Variants in ALPL observed in about 807,000 individuals in gnomAD.
ALPL encodes the protein alkaline phosphatase, biomineralization associated, also known as alkaline phosphatase, tissue-nonspecific isozyme.
Under a neutral mutation model 51.3 loss-of-function variants are expected in ALPL, and 42 were observed. The ratio of observed to expected loss-of-function variants is 0.82; its 90% CI spans 0.64 to 1.06. The LOEUF is 1.06. ALPL is among the 50% of genes least tolerant of loss of function. The pLI, the probability that ALPL is intolerant of heterozygous loss-of-function variation, is 0.00. For synonymous variants in ALPL, 279 were observed against 296.4 expected, an observed-to-expected ratio of 0.94 and a Z score of 0.60; for missense variants, 589 against 709.4, an observed-to-expected ratio of 0.83 and a Z score of 1.93.
intron 1 of ALPL, chr1:21,551,360 G>A (rs934946159): frequency 3.9e-5 from 6 of 152,216 alleles, no homozygotes; most frequent in African/African-American, 1.4e-4. Context: ...CGATGTTTGA[G>A]GTGGCATGAA....
chr1:21,520,004 C>T (rs532768602), intron 1 of ALPL, among the ~76,000 whole-genome samples: 5 of 152,260 alleles, frequency 3.3e-5, no homozygotes, highest in Admixed American at 2.0e-4. Context: ...TGCTGCCCCC[C>T]GCATCCCACC....
At chr1:21,530,261 C>G (rs781568318) in intron 1 of ALPL, among the ~76,000 whole-genome samples, 1 of 152,136 alleles carries the variant, frequency 6.6e-6, no homozygotes, top group Non-Finnish European at 1.5e-5. Context: ...TAGGCAATTA[C>G]GATTTTTGCT....
intron 2 of ALPL, among the ~76,000 whole-genome samples, chr1:21,558,841 G>A (rs116020814): frequency 0.015 from 2,334 of 152,290 alleles, 56 homozygotes; most frequent in African/African-American, 0.052. Context: ...TGTGCTCTGC[G>A]CCTATGCTAG....
intron 1 of ALPL, among the ~76,000 whole-genome samples, chr1:21,550,044 T>G (rs1180230837): frequency 6.6e-6 from 1 of 152,186 alleles, no homozygotes; most frequent in Non-Finnish European, 1.5e-5. Context: ...ATCTGTGGAT[T>G]TAATACCATA....
chr1:21,543,912 T>A (rs1644222037), intron 1 of ALPL, among the ~76,000 whole-genome samples: 1 of 152,128 alleles, frequency 6.6e-6, no homozygotes, highest in Non-Finnish European at 1.5e-5. Flanking sequence ...TTGGAGGGTG[T>A]CCTTGGAGCA....
chr1:21,510,765 G>A (rs1481488245), intron 1 of ALPL, among the ~76,000 whole-genome samples: 1 of 152,190 alleles, frequency 6.6e-6, no homozygotes, highest in African/African-American at 2.4e-5. Flanking sequence ...CTCCAGTCTT[G>A]CTCTTTCCAA....
intron 1 of ALPL, among the ~76,000 whole-genome samples, chr1:21,530,954 ATTTTTTTTT>A (rs34079543): frequency 4.8e-5 from 5 of 103,988 alleles, no homozygotes; most frequent in African/African-American, 1.6e-4. Context: ...ATCATTTTTG[ATTTTTTTTT>A]TTTTTTTTTT....
intron 1 of ALPL, among the ~76,000 whole-genome samples, chr1:21,543,645 A>G (rs1328957970): frequency 6.6e-6 from 1 of 152,204 alleles, no homozygotes; most frequent in Admixed American, 6.6e-5. Context: ...TGCACCGCCT[A>G]GTCAATCCTC....
intron 10 of ALPL, among the ~76,000 whole-genome samples, chr1:21,576,263 A>G (rs758352873): frequency 3.1e-4 from 16 of 52,390 alleles, no homozygotes; most frequent in Non-Finnish European, 4.9e-4. Flanking sequence ...TGATGGATGG[A>G]TGGATGGGTG....
chr1:21,544,670 T>C (rs1366192409), intron 1 of ALPL, among the ~76,000 whole-genome samples: 1 of 152,158 alleles, frequency 6.6e-6, no homozygotes, highest in East Asian at 1.9e-4. Flanking sequence ...TGCTTGAACC[T>C]GGAAGGCGGA....
intron 1 of ALPL, among the ~76,000 whole-genome samples, chr1:21,547,927 C>G (rs1191096492): frequency 2.0e-5 from 3 of 152,212 alleles, no homozygotes; most frequent in African/African-American, 4.8e-5. Flanking sequence ...CTCCAGGATG[C>G]TCCCGGGCCC....
chr1:21,530,113 C>T (rs1644008360), intron 1 of ALPL, among the ~76,000 whole-genome samples: 1 of 152,050 alleles, frequency 6.6e-6, no homozygotes, highest in African/African-American at 2.4e-5. Flanking sequence ...TGTGCTATGG[C>T]TGGTAGTGGC....
At chr1:21,575,945 G>A (rs1397014742) in intron 10 of ALPL, 21 bp downstream of exon 10, 2 of 1,614,046 alleles carry the variant, frequency 1.2e-6, no homozygotes, top group Non-Finnish European at 1.7e-6. Flanking sequence ...CTTCTTTGGG[G>A]TGGACACTCC....
intron 1 of ALPL, among the ~76,000 whole-genome samples, chr1:21,510,535 G>A (rs539798954): frequency 6.6e-6 from 1 of 152,292 alleles, no homozygotes; most frequent in East Asian, 1.9e-4. Flanking sequence ...ACCGTGCGTA[G>A]AGGGACCTGC....
intron 1 of ALPL, among the ~76,000 whole-genome samples, chr1:21,519,932 T>A (rs1643866966): frequency 6.6e-6 from 1 of 152,106 alleles, no homozygotes; most frequent in African/African-American, 2.4e-5. Flanking sequence ...ACAAATTGCC[T>A]AGGGGAACCT....
At chr1:21,531,689 G>T (rs1474198752) in intron 1 of ALPL, among the ~76,000 whole-genome samples, 1 of 152,220 alleles carries the variant, frequency 6.6e-6, no homozygotes, top group Non-Finnish European at 1.5e-5. Flanking sequence ...TTGCCAGGAG[G>T]CAGGTCCAGA....
At chr1:21,563,568 G>A (rs1644517449) in intron 5 of ALPL, among the ~76,000 whole-genome samples, 1 of 152,194 alleles carries the variant, frequency 6.6e-6, no homozygotes, top group South Asian at 2.1e-4. Flanking sequence ...TAGGGTTGGT[G>A]TGAGGAGGGA....
intron 2 of ALPL, among the ~76,000 whole-genome samples, chr1:21,558,781 C>G (rs577169411): frequency 6.6e-6 from 1 of 152,130 alleles, no homozygotes; most frequent in Non-Finnish European, 1.5e-5. Context: ...GTGGGGTGTG[C>G]TTGGGTCCAA....
At chr1:21,548,224 G>A (rs997188505) in intron 1 of ALPL, among the ~76,000 whole-genome samples, 3 of 152,326 alleles carry the variant, frequency 2.0e-5, no homozygotes, top group African/African-American at 7.2e-5. Flanking sequence ...GGGCCCCTCC[G>A]CTTCCAGGGC....
Sources: allele counts gnomAD v4.1 joint callset (sites outside exome capture counted in the v4.1 genomes callset), GRCh38; gene constraint gnomAD v4.1.1; transcripts MANE v1.5; gene names NCBI Gene and HGNC (gene_info 2026-07-23, HGNC 2026-07-21).